The following ARID4B variants were observed in gnomAD, a reference collection of about 807,000 sequenced individuals.
The protein encoded by ARID4B is AT-rich interaction domain 4B.
ARID4B carries 26 observed loss-of-function variants against 147.5 expected under a neutral mutation model. The ratio of observed to expected loss-of-function variants is 0.18; its 90% CI spans 0.13 to 0.24. ARID4B has a LOEUF of 0.24. Ranked by LOEUF, ARID4B falls within the 10% of genes least tolerant of loss-of-function variation. ARID4B has a pLI of 1.00. For missense variants in ARID4B, 1,179 were observed against 1,511.5 expected (o/e 0.78, Z 3.65); for synonymous variants, 512 against 507.9 (o/e 1.01, Z -0.11).
At chr1:235,274,487 T>C (rs1425139045) in intron 2 of ARID4B, among the ~76,000 whole-genome samples, 1 of 152,214 alleles carries the variant, frequency 6.6e-6, no homozygotes, top group East Asian at 1.9e-4. Context: ...AAAATGTTTA[T>C]ATTAAATCTT....
In ARID4B at chr1:235,309,460, C is replaced by T. The variant is rs1441999899; in HGVS notation, c.6+17454G>A. Among the ~76,000 whole-genome samples the T allele has an allele frequency of 1.0e-4, 15 of 143,102 alleles. 2 individuals carry two copies. The East Asian group carries it at 1.7e-3, about 16-fold the overall frequency. The allele number at this position is 143,102 out of a possible 152,430, so 93.9% of individuals were successfully genotyped here. A position where few individuals can be genotyped will look rare whatever the true frequency, so the allele number is the denominator to read the frequency against. On this transcript the variant is annotated intron_variant, in intron 2 of 23. Coordinates refer to ENST00000264183, the MANE Select transcript of ARID4B (RefSeq NM_016374.6). ...CCCCCGCCCGGCCAGCCGCCCCATCCGGGAGGTAAGGGGCGCCTCTGCCCG... is the reference window on the plus strand; with the variant it reads ...CCCCCGCCCGGCCAGCCGCCCCATCTGGGAGGTAAGGGGCGCCTCTGCCCG...
intron 6 of ARID4B, among the ~76,000 whole-genome samples, chr1:235,249,178 C>T (rs552594234): frequency 3.3e-5 from 5 of 151,906 alleles, no homozygotes; most frequent in African/African-American, 1.2e-4. Flanking sequence ...ACTAAAAATA[C>T]AAAAATTAGT....
chr1:235,192,143 T>C (rs1665154950), intron 19 of ARID4B, among the ~76,000 whole-genome samples: 1 of 151,912 alleles, frequency 6.6e-6, no homozygotes, highest in African/African-American at 2.4e-5. Context: ...AATATAAATA[T>C]AGATAATTCA....
chr1:235,182,430 G>T lies in ARID4B; in HGVS notation c.2489C>A (p.Thr830Lys). Residue 830 changes from threonine (T) to lysine (K), a missense_variant, in exon 20 of 24, where the codon ACA (threonine) becomes AAA (lysine). Transcript: ENST00000264183. ...IKRGKRRYCN[T>K]EECLKTGSPG... ...TGATCCAGTTTTTAGACACTCTTCT[G>T]TATTGCAATACCTTCTTTTACCACG... The T allele has an allele frequency of 6.2e-7, 1 of 1,611,812 alleles. No individual in the cohort carries two copies. The highest frequency in any genetic ancestry group is 8.5e-7 in the Non-Finnish European group (1 of 1,179,554).
At chr1:235,228,285 CTTTTTTTTTT>C (rs34559749) in intron 11 of ARID4B, 1 of 73,914 alleles carries the variant, frequency 1.4e-5, no homozygotes, top group Non-Finnish European at 2.5e-5. Flanking sequence ...TAGGTAGGTT[CTTTTTTTTTT>C]TTTTTTTTTT....
chr1:235,237,502 T>C lies in ARID4B; in HGVS notation c.585+2811A>G, dbSNP rs368087969. ...CACTATCATTACAAGAGCTGACATT[T>C]ACTGCATATTTAATTTGTGCCGAAC... On this transcript the variant is annotated intron_variant, in intron 8 of 23. Transcript: ENST00000264183. Among the ~76,000 whole-genome samples, 154 of 152,346 alleles carry C rather than the reference T, an allele frequency of 1.0e-3. 2 individuals are homozygous for C. The South Asian group carries it at 0.03, about 30-fold the overall frequency.
At chr1:235,308,307 T>G (rs994253729) in intron 2 of ARID4B, among the ~76,000 whole-genome samples, 8 of 152,142 alleles carry the variant, frequency 5.3e-5, no homozygotes, top group Middle Eastern at 6.8e-3. Context: ...TTTCGCTGTG[T>G]TGGCCAGGCT....
chr1:235,172,315 G>A (rs1408639572), intron 23 of ARID4B, among the ~76,000 whole-genome samples: 1 of 152,164 alleles, frequency 6.6e-6, no homozygotes, highest in African/African-American at 2.4e-5. Flanking sequence ...CTTGGCTCAC[G>A]CCTGTAATCT....
intron 2 of ARID4B, among the ~76,000 whole-genome samples, chr1:235,268,185 A>G (rs533388892): frequency 1.3e-4 from 20 of 152,308 alleles, no homozygotes; most frequent in African/African-American, 4.6e-4. Flanking sequence ...ACCCGGACCA[A>G]ATAAGTAAAT....
At chr1:235,314,513 A>C (rs970774432) in intron 2 of ARID4B, among the ~76,000 whole-genome samples, 4 of 152,218 alleles carry the variant, frequency 2.6e-5, no homozygotes, top group Admixed American at 2.0e-4. Flanking sequence ...TCCAAGCCAT[A>C]TGCTCTTAAT....
intron 21 of ARID4B, among the ~76,000 whole-genome samples, chr1:235,176,474 T>TA (rs1663889431): frequency 9.6e-6 from 1 of 103,664 alleles, no homozygotes; most frequent in African/African-American, 4.4e-5. Context: ...AAAAAGGAGT[T>TA]AAACTCTCAA....
At chr1:235,190,326 C>T (rs1215617852) in intron 19 of ARID4B, among the ~76,000 whole-genome samples, 3 of 151,832 alleles carry the variant, frequency 2.0e-5, no homozygotes, top group African/African-American at 7.3e-5. Flanking sequence ...CAGGCCCCTG[C>T]AATCCCACCT....
chr1:235,296,625 T>G (rs1310376954), intron 2 of ARID4B, among the ~76,000 whole-genome samples: 1 of 151,580 alleles, frequency 6.6e-6, no homozygotes, highest in Non-Finnish European at 1.5e-5. Context: ...GCCTGGCTAA[T>G]TTTTTTGAGC....
intron 2 of ARID4B, among the ~76,000 whole-genome samples, chr1:235,265,351 G>C (rs549387386): frequency 1.1e-4 from 16 of 151,228 alleles, no homozygotes; most frequent in Non-Finnish European, 2.2e-4. Context: ...AGGCGACACT[G>C]TGAGACTCCA....
intron 2 of ARID4B, among the ~76,000 whole-genome samples, chr1:235,304,888 T>C (rs919497743): frequency 6.6e-6 from 1 of 152,218 alleles, no homozygotes; most frequent in African/African-American, 2.4e-5. Flanking sequence ...ACTAATCTCA[T>C]TTTATAGCGA....
At chr1:235,224,542 C>T (rs1170565183) in intron 12 of ARID4B, among the ~76,000 whole-genome samples, 161 bp downstream of exon 12, 3 of 152,124 alleles carry the variant, frequency 2.0e-5, no homozygotes, top group Non-Finnish European at 4.4e-5. Context: ...CTACTTGTTA[C>T]GTGACAGGCG....
chr1:235,179,565 GAA>G (rs1467751583), intron 20 of ARID4B, among the ~76,000 whole-genome samples: 2 of 60,852 alleles, frequency 3.3e-5, no homozygotes, highest in East Asian at 9.1e-4. Flanking sequence ...CCAACAAAAA[GAA>G]AAACACCAAT....
rs1415491723 is a variant in ARID4B at position 235,181,477 on chromosome 1, AAT to A, written c.3334+106_3334+107del. The A allele has an allele frequency of 5.8e-6, 8 of 1,384,230 alleles. No individual in the cohort carries two copies. The African/African-American group carries it at 1.2e-4, about 20-fold the overall frequency. 85.7% of individuals were successfully genotyped at this position (1,384,230 alleles called of 1,614,324 possible). On this transcript the variant is annotated intron_variant, in intron 20 of 23. Transcript: ENST00000264183. Reference sequence around the variant, plus strand: ...TTTCCATTTTTACCATGTTCACACAAATATGACACTTAATCGCCTCAGGTTAT... The same window carrying A: ...TTTCCATTTTTACCATGTTCACACAAATGACACTTAATCGCCTCAGGTTAT...
intron 9 of ARID4B, among the ~76,000 whole-genome samples, chr1:235,232,788 C>A (rs544433726): frequency 6.6e-6 from 1 of 152,050 alleles, no homozygotes; most frequent in African/African-American, 2.4e-5. Flanking sequence ...TGCTCAAATT[C>A]CTCTGATTAT....
Sources: gnomAD v4.1 joint callset for allele counts (sites outside exome capture counted in the v4.1 genomes callset) on GRCh38, gnomAD v4.1.1 for gene constraint, MANE v1.5 for transcripts, NCBI Gene and HGNC (gene_info 2026-07-23, HGNC 2026-07-21) for gene names.